Variants in CCDC122 observed in about 807,000 individuals in gnomAD.
The protein encoded by CCDC122 is coiled-coil domain containing 122, also known as coiled-coil domain-containing protein 122.
Under a neutral mutation model 37.0 loss-of-function variants are expected in CCDC122, and 38 were observed. The ratio of observed to expected loss-of-function variants is 1.03; its 90% CI spans 0.79 to 1.35. The LOEUF is 1.35. Ranked by LOEUF, CCDC122 falls within the 40% of genes most tolerant of loss-of-function variation. The probability of loss-of-function intolerance (pLI) is 0.00; values close to 1 mark genes in which losing one functional copy is unlikely to be tolerated. For missense variants in CCDC122, 305 were observed against 310.0 expected, an observed-to-expected ratio of 0.98 and a Z score of 0.12; for synonymous variants, 83 against 95.6, an observed-to-expected ratio of 0.87 and a Z score of 0.77.
chr13:43,875,331 T>C (rs1307956605), intron 1 of CCDC122, among the ~76,000 whole-genome samples: 1 of 152,102 alleles, frequency 6.6e-6, no homozygotes, highest in Non-Finnish European at 1.5e-5. Flanking sequence ...TTATAGTGGG[T>C]TAAATAGTGC....
At chr13:43,828,866 C>T (rs1953063782) in intron 3 of CCDC122, among the ~76,000 whole-genome samples, 1 of 152,082 alleles carries the variant, frequency 6.6e-6, no homozygotes, top group Admixed American at 6.6e-5. Flanking sequence ...TGACATTTTG[C>T]AGCAGTTTTA....
intron 4 of CCDC122, among the ~76,000 whole-genome samples, chr13:43,867,231 C>T (rs1427141955): frequency 1.3e-5 from 2 of 152,056 alleles, no homozygotes; most frequent in Non-Finnish European, 2.9e-5. Context: ...AAATGCTCAT[C>T]AACTTTAGAA....
intron 3 of CCDC122, among the ~76,000 whole-genome samples, chr13:43,825,127 A>G (rs908142955): frequency 1.3e-5 from 2 of 152,236 alleles, no homozygotes; most frequent in Admixed American, 6.5e-5. Flanking sequence ...CACTATTCGC[A>G]ATAGCAAAGA....
At chr13:43,830,435 A>G (rs1953079068) in intron 3 of CCDC122, among the ~76,000 whole-genome samples, 1 of 152,186 alleles carries the variant, frequency 6.6e-6, no homozygotes, top group African/African-American at 2.4e-5. Context: ...TTATTATTGA[A>G]GTCTTCCCCA....
rs889371052 is a variant in CCDC122, at chr13:43,869,257, C to T, written c.46+74G>A. ...TTCTAATTTGCTATCAATTTTAACA[C>T]AATTATCCTGCCAGACTACTTTTTT... On this transcript the variant is annotated intron_variant, in intron 3 of 6. Coordinates refer to ENST00000444614, the MANE Select transcript of CCDC122 (RefSeq NM_144974.5). 23 of 1,113,908 alleles carry T rather than the reference C, an allele frequency of 2.1e-5. No homozygotes were observed. In the African/African-American group the frequency reaches 2.6e-4, roughly 13 times the overall value. 69.0% of individuals were successfully genotyped at this position (1,113,908 alleles called of 1,614,324 possible).
downstream of CCDC122, among the ~76,000 whole-genome samples, chr13:43,820,749 A>G (rs1280714176): frequency 6.6e-6 from 1 of 152,202 alleles, no homozygotes. Flanking sequence ...TTCTTCATAT[A>G]AGAATCACGG....
intron 6 of CCDC122, among the ~76,000 whole-genome samples, chr13:43,857,576 G>A (rs1953959831): frequency 2.6e-5 from 4 of 151,884 alleles, no homozygotes; most frequent in African/African-American, 9.7e-5. Context: ...ACCACTCAAG[G>A]ATGCATAATT....
At chr13:43,851,645 C>G (rs1407549539) in intron 6 of CCDC122, among the ~76,000 whole-genome samples, 1 of 152,212 alleles carries the variant, frequency 6.6e-6, no homozygotes, top group Non-Finnish European at 1.5e-5. Context: ...ACTGCTGCTG[C>G]TGGCATGCAC....
At chr13:43,873,858 T>C (rs912883791) in intron 2 of CCDC122, among the ~76,000 whole-genome samples, 7 of 152,206 alleles carry the variant, frequency 4.6e-5, no homozygotes, top group Non-Finnish European at 1.0e-4. Flanking sequence ...GTCTTTTCCA[T>C]ATCCTTCTAC....
chr13:43,824,979 A>G lies in CCDC122; in HGVS notation n.602-968T>C, dbSNP rs142590675. ...GTAAATTAGTTCAGCCACTGTGGAAAGCAATTTGAAGGTTTCTCAAAAAAC... is the reference window on the plus strand; with the variant it reads ...GTAAATTAGTTCAGCCACTGTGGAAGGCAATTTGAAGGTTTCTCAAAAAAC... On this transcript the variant is annotated intron_variant and non_coding_transcript_variant, in intron 3 of 3. Transcript: ENST00000470137. Among the ~76,000 whole-genome samples the G allele has an allele frequency of 2.0e-3, 303 of 152,350 alleles. 2 individuals are homozygous for G. Among genetic ancestry groups the G allele is most frequent in the Non-Finnish European group, 3.8e-3 (258 of 68,032 alleles).
chr13:43,851,745 C>T (rs1450684553), intron 6 of CCDC122, among the ~76,000 whole-genome samples: 1 of 152,170 alleles, frequency 6.6e-6, no homozygotes, highest in East Asian at 1.9e-4. Flanking sequence ...TCTGGGAGCA[C>T]CTTGGCACCC....
chr13:43,862,973 T>C (rs1954159761), intron 4 of CCDC122, among the ~76,000 whole-genome samples: 1 of 152,188 alleles, frequency 6.6e-6, no homozygotes, highest in African/African-American at 2.4e-5. Context: ...TTCCTCCCTC[T>C]TCCTCTTCAT....
intron 5 of CCDC122, among the ~76,000 whole-genome samples, chr13:43,859,323 T>G (rs1566949558): frequency 6.6e-6 from 1 of 152,158 alleles, no homozygotes; most frequent in Non-Finnish European, 1.5e-5. Context: ...TAAATTGATT[T>G]GAATTGGTCT....
intron 3 of CCDC122, among the ~76,000 whole-genome samples, chr13:43,831,157 G>A (rs1953085562): frequency 1.3e-5 from 2 of 152,170 alleles, no homozygotes; most frequent in South Asian, 4.1e-4. Context: ...TTACATCTAA[G>A]TGAAGAAAGT....
At chr13:43,865,761 C>G (rs1377950911) in intron 4 of CCDC122, among the ~76,000 whole-genome samples, 1 of 152,074 alleles carries the variant, frequency 6.6e-6, no homozygotes, top group East Asian at 1.9e-4. Flanking sequence ...CCACGCCCAG[C>G]CAGGAATTTA....
chr13:43,824,306 G>T (rs1353109), intron 3 of CCDC122, among the ~76,000 whole-genome samples: 1 of 152,066 alleles, frequency 6.6e-6, no homozygotes, highest in African/African-American at 2.4e-5. Context: ...AAGAGTATAT[G>T]CAAAGGGATG....
Position 43,850,837 on chromosome 13 carries a change from A to G in CCDC122, c.672+7944T>C, listed in dbSNP as rs1953703036. 4.6e-5 allele frequency among the ~76,000 whole-genome samples: 7 copies of G among 152,348 alleles called. No individual in the cohort carries two copies. In the South Asian group the frequency reaches 1.5e-3, roughly 32 times the overall value. On this transcript the variant is annotated intron_variant, in intron 6 of 6. Transcript: ENST00000444614. ...GAATTGAGAAGCTGAGAGAACTCCA[A>G]AAAGGATATATGCAAAGAAATCCAT... is the stretch of plus-strand genomic sequence containing the variant.
chr13:43,830,156 G>A (rs1953075900), intron 3 of CCDC122, among the ~76,000 whole-genome samples: 1 of 152,178 alleles, frequency 6.6e-6, no homozygotes, highest in South Asian at 2.1e-4. Context: ...GATTACAGGA[G>A]TGAGCCACCG....
chr13:43,821,559 C>G (rs1036008951), downstream of CCDC122, among the ~76,000 whole-genome samples: 1 of 152,144 alleles, frequency 6.6e-6, no homozygotes, highest in Admixed American at 6.6e-5. Flanking sequence ...TGCTCTTATC[C>G]CTTTGAATAA....
Sources: allele counts gnomAD v4.1 joint callset (sites outside exome capture counted in the v4.1 genomes callset), GRCh38; gene constraint gnomAD v4.1.1; transcripts MANE v1.5; gene names NCBI Gene and HGNC (gene_info 2026-07-23, HGNC 2026-07-21).